ATP8B4: variants seen among roughly 807,000 people sequenced by gnomAD.
The protein encoded by ATP8B4 is probable phospholipid-transporting ATPase IM.
A neutral mutation model predicts 145.6 loss-of-function variants in ATP8B4; 133 were observed. The ratio of observed to expected loss-of-function variants is 0.91; its 90% CI spans 0.79 to 1.05. The LOEUF is 1.05. ATP8B4 is among the 50% of genes least tolerant of loss of function. The pLI, the probability that ATP8B4 is intolerant of heterozygous loss-of-function variation, is 0.00. For synonymous variants in ATP8B4, 507 were observed against 492.9 expected, an observed-to-expected ratio of 1.03 and a Z score of -0.38; for missense variants, 1,458 against 1,425.2, an observed-to-expected ratio of 1.02 and a Z score of -0.37.
intron 1 of ATP8B4, among the ~76,000 whole-genome samples, chr15:50,158,422 G>A (rs56220301): frequency 0.22 from 33,061 of 149,032 alleles, 4,111 homozygotes; most frequent in East Asian, 0.48. Context: ...CAGCTGCCCC[G>A]TCCAGGAGGG....
At position 49,904,965 on chromosome 15, in the gene ATP8B4, C is replaced by T. The variant is rs566782943; in HGVS notation, c.2142-3726G>A. Among the ~76,000 whole-genome samples the T allele has an allele frequency of 2.0e-5, 3 of 152,214 alleles. No homozygotes were observed. In the South Asian group the frequency reaches 6.2e-4, roughly 32 times the overall value. On this transcript the variant is annotated intron_variant, in intron 20 of 27. Coordinates refer to ENST00000284509, the MANE Select transcript of ATP8B4 (RefSeq NM_024837.4). ...AATGAAATACGGAATGAGTTTTCCT[C>T]TCAGATCAATCAAAATTAAATTCTC...
chr15:49,900,287 G>A (rs1269226279), intron 21 of ATP8B4, among the ~76,000 whole-genome samples: 2 of 152,170 alleles, frequency 1.3e-5, no homozygotes, highest in Admixed American at 1.3e-4. Context: ...CTGATCGCAA[G>A]GGAGAAAACA....
At chr15:50,009,815 G>C (rs937033401) in intron 7 of ATP8B4, 2 of 366,028 alleles carry the variant, frequency 5.5e-6, no homozygotes, top group Non-Finnish European at 1.1e-5. Flanking sequence ...TTTGGCTGCC[G>C]ACACCTTTGT....
At chr15:49,936,731 G>GTTGTTTGT (rs34851550) in intron 14 of ATP8B4, among the ~76,000 whole-genome samples, 6 of 151,090 alleles carry the variant, frequency 4.0e-5, no homozygotes, top group African/African-American at 4.9e-5. Flanking sequence ...TTATTTTTTG[G>GTTGTTTGT]TTGTTTGTTT....
chr15:49,940,382 C>G (rs1211469103), intron 14 of ATP8B4, among the ~76,000 whole-genome samples: 1 of 152,012 alleles, frequency 6.6e-6, no homozygotes, highest in Admixed American at 6.6e-5. Flanking sequence ...CAATAGACAC[C>G]AGGGACTGCT....
Position 49,916,929 on chromosome 15 carries a change from C to T in ATP8B4, c.2141+5G>A. On this transcript the variant is annotated splice_donor_5th_base_variant and intron_variant, in intron 20 of 27. Transcript: ENST00000284509. The stretch of plus-strand genomic sequence containing the variant: ...CCATCCTTTCCTCCTTCCTTCAACA[C>T]CTACCTGAGTTCTTCTCTCACTTCC... 1 of 1,612,090 alleles carries T rather than the reference C, an allele frequency of 6.2e-7. No individual in the cohort carries two copies. Among genetic ancestry groups the T allele is most frequent in the Non-Finnish European group, 8.5e-7 (1 of 1,178,620 alleles).
chr15:50,019,687 C>A (rs1599846918), intron 6 of ATP8B4, among the ~76,000 whole-genome samples: 1 of 152,194 alleles, frequency 6.6e-6, no homozygotes, highest in Non-Finnish European at 1.5e-5. Context: ...CTTCCAACTG[C>A]AATCTCTCTG....
At chr15:49,966,388 C>T (rs905421429) in intron 13 of ATP8B4, among the ~76,000 whole-genome samples, 3 of 152,182 alleles carry the variant, frequency 2.0e-5, no homozygotes, top group Non-Finnish European at 4.4e-5. Flanking sequence ...TTCTCACTGC[C>T]AGCACAGCAG....
At chr15:50,158,456 G>C (rs1296391438) in intron 1 of ATP8B4, among the ~76,000 whole-genome samples, 2 of 150,742 alleles carry the variant, frequency 1.3e-5, no homozygotes, top group Non-Finnish European at 3.0e-5. Flanking sequence ...GACCCCGCCC[G>C]GCCAGCCGCC....
chr15:50,053,684 G>T (rs761895650), intron 3 of ATP8B4, among the ~76,000 whole-genome samples: 1 of 151,996 alleles, frequency 6.6e-6, no homozygotes, highest in Non-Finnish European at 1.5e-5. Flanking sequence ...AGTGGCCAAA[G>T]TCCTTTATAT....
intron 1 of ATP8B4, among the ~76,000 whole-genome samples, chr15:50,164,181 T>C (rs1173146893): frequency 6.6e-6 from 1 of 151,964 alleles, no homozygotes. Flanking sequence ...CTCATCACAT[T>C]TTTTCCCTCA....
intron 1 of ATP8B4, among the ~76,000 whole-genome samples, chr15:50,173,942 A>C (rs1167950185): frequency 6.6e-6 from 1 of 152,192 alleles, no homozygotes; most frequent in Non-Finnish European, 1.5e-5. Context: ...CAGATTATCC[A>C]CCATGATCAA....
intron 7 of ATP8B4, among the ~76,000 whole-genome samples, chr15:50,010,166 C>A (rs983958767): frequency 9.9e-5 from 15 of 151,964 alleles, no homozygotes; most frequent in Admixed American, 1.3e-4. Flanking sequence ...TTGACAGAAA[C>A]AATACAATAA....
At chr15:50,072,182 G>A (rs1177876498) in intron 3 of ATP8B4, among the ~76,000 whole-genome samples, 1 of 151,620 alleles carries the variant, frequency 6.6e-6, no homozygotes, top group Non-Finnish European at 1.5e-5. Flanking sequence ...CCTCTAGTTG[G>A]TACCTAATGG....
At chr15:50,107,110 G>T in intron 1 of ATP8B4, 102 bp from the exon 2 acceptor site, 5 of 648,278 alleles carry the variant, frequency 7.7e-6, no homozygotes, top group Non-Finnish European at 7.4e-6. Context: ...TAATTAGGAA[G>T]TCACTGACAC....
At chr15:50,131,022 T>C (rs1490449959) in intron 1 of ATP8B4, among the ~76,000 whole-genome samples, 1 of 141,182 alleles carries the variant, frequency 7.1e-6, no homozygotes, top group Non-Finnish European at 1.6e-5. Flanking sequence ...GGCACCTTCT[T>C]CACAAGGCAG....
chr15:50,154,444 C>G (rs1415107686), intron 1 of ATP8B4, among the ~76,000 whole-genome samples: 3 of 151,980 alleles, frequency 2.0e-5, no homozygotes, highest in Non-Finnish European at 4.4e-5. Flanking sequence ...TACAGTTTTT[C>G]TCACCAAAAA....
At chr15:50,000,706 T>C (rs2047816593) in intron 8 of ATP8B4, among the ~76,000 whole-genome samples, 1 of 152,176 alleles carries the variant, frequency 6.6e-6, no homozygotes, top group African/African-American at 2.4e-5. Flanking sequence ...TTTTAATTTC[T>C]TGAAGTCCAG....
intron 2 of ATP8B4, among the ~76,000 whole-genome samples, chr15:50,097,081 A>G (rs1242391792): frequency 6.6e-6 from 1 of 152,232 alleles, no homozygotes; most frequent in African/African-American, 2.4e-5. Context: ...AACAAAAACT[A>G]ATTCCTTCAA....
Sources: gnomAD v4.1 joint callset for allele counts (sites outside exome capture counted in the v4.1 genomes callset) on GRCh38, gnomAD v4.1.1 for gene constraint, MANE v1.5 for transcripts, NCBI Gene and HGNC (gene_info 2026-07-23, HGNC 2026-07-21) for gene names.